Variants in FRMD6 observed in about 807,000 individuals in gnomAD.
FRMD6 encodes FERM domain-containing protein 6.
FRMD6 carries 37 observed loss-of-function variants against 73.2 expected under a neutral mutation model. The ratio of observed to expected loss-of-function variants is 0.51; its 90% confidence interval spans 0.39 to 0.66. The LOEUF is 0.66. FRMD6 is among the 30% of genes least tolerant of loss of function. The pLI is 0.00. For missense variants in FRMD6, 714 were observed against 780.5 expected, an observed-to-expected ratio of 0.91 and a Z score of 1.02; for synonymous variants, 273 against 282.2, an observed-to-expected ratio of 0.97 and a Z score of 0.33.
chr14:51,474,402 A>G, the FRMD6 span, among the ~76,000 whole-genome samples: 73 of 152,182 alleles, frequency 4.8e-4, no homozygotes, highest in Admixed American at 1.1e-3. Context: ...GGAATTTACA[A>G]TGGCAGTTTG....
In FRMD6 at chr14:51,698,159, C is replaced by T. The variant is rs1455772266; in HGVS notation, c.117C>T (p.His39=). Reference sequence around the variant, plus strand: ...CCCTACAGGTTAAGATTCTGTGTCACCAGTTGCTGGTCCAGGTTTGTGACC... The same window carrying T: ...CCCTACAGGTTAAGATTCTGTGTCATCAGTTGCTGGTCCAGGTTTGTGACC... The part of the protein sequence containing the change: ...NIIINVKILC[H]QLLVQVCDLL... Residue 39 remains histidine, a synonymous_variant, in exon 3 of 14, where the codon CAC becomes CAT. Coordinates refer to ENST00000344768, the MANE Select transcript of FRMD6 (RefSeq NM_001267046.2). The T allele has an allele frequency of 1.9e-6, 3 of 1,612,040 alleles. No homozygotes were observed. Among genetic ancestry groups the T allele is most frequent in the Non-Finnish European group, 8.5e-7 (1 of 1,178,582 alleles).
At chr14:51,604,799 C>G (rs180853656) in intron 2 of FRMD6, among the ~76,000 whole-genome samples, 4 of 152,276 alleles carry the variant, frequency 2.6e-5, no homozygotes, top group African/African-American at 9.6e-5. Context: ...CCTTTATACT[C>G]TTCCAGGCCC....
intron 2 of FRMD6, among the ~76,000 whole-genome samples, chr14:51,631,198 T>G (rs1891323085): frequency 6.6e-6 from 1 of 152,220 alleles, no homozygotes; most frequent in Admixed American, 6.5e-5. Flanking sequence ...GACGAATCTT[T>G]ACTGATGTCA....
chr14:51,704,989 C>G (rs1013699347), intron 6 of FRMD6, 54 bp downstream of exon 6: 1 of 1,488,000 alleles, frequency 6.7e-7, no homozygotes. Context: ...ATTTCTAGTT[C>G]GTAGTGTTGC....
intron 1 of FRMD6, among the ~76,000 whole-genome samples, chr14:51,512,589 C>T (rs1482819378): frequency 1.3e-5 from 2 of 152,056 alleles, no homozygotes; most frequent in Non-Finnish European, 2.9e-5. Context: ...CAACCTCCTT[C>T]TGATAGCTGA....
chr14:51,587,073 A>T (rs1237125372), intron 2 of FRMD6, among the ~76,000 whole-genome samples: 1 of 152,062 alleles, frequency 6.6e-6, no homozygotes, highest in Non-Finnish European at 1.5e-5. Flanking sequence ...ATCTTTTTCT[A>T]TGGTGAGAGG....
chr14:51,564,984 C>A (rs1887696096), intron 1 of FRMD6, among the ~76,000 whole-genome samples: 1 of 152,178 alleles, frequency 6.6e-6, no homozygotes, highest in African/African-American at 2.4e-5. Flanking sequence ...GGTCTGTTGT[C>A]CAGCTTGCAT....
chr14:51,659,078 G>A (rs1893034043), intron 1 of FRMD6, among the ~76,000 whole-genome samples: 1 of 152,110 alleles, frequency 6.6e-6, no homozygotes. Context: ...GCATAGAAGA[G>A]GGATAGTAAA....
At chr14:51,409,228 G>A in the FRMD6 span, among the ~76,000 whole-genome samples, 4 of 151,874 alleles carry the variant, frequency 2.6e-5, no homozygotes, top group East Asian at 5.8e-4. Context: ...AATCCTTCGC[G>A]ATAGGAAAAC....
rs1886249952 is a variant in FRMD6 at position 51,542,420 on chromosome 14, A to G, written c.-209-27928A>G. On this transcript the variant is annotated intron_variant, in intron 1 of 14. Coordinates refer to the FRMD6 transcript ENST00000356218. Reference sequence around the variant, plus strand: ...GTGTCTGGCTTCTTTCACTTATCATAATGTTTTCAAGATTCATCCATTTGT... The same window carrying G: ...GTGTCTGGCTTCTTTCACTTATCATGATGTTTTCAAGATTCATCCATTTGT... 2.0e-5 allele frequency among the ~76,000 whole-genome samples: 3 copies of G among 152,046 alleles called. No individual in the cohort carries two copies. In the South Asian group the frequency reaches 6.2e-4, roughly 32 times the overall value.
intron 2 of FRMD6, among the ~76,000 whole-genome samples, chr14:51,644,728 AATATG>A (rs1891987968): frequency 6.6e-6 from 1 of 152,244 alleles, no homozygotes; most frequent in Admixed American, 6.5e-5. Flanking sequence ...AAAATGATCC[AATATG>A]GACTATTTGC....
chr14:51,718,665 TGTG>T (rs1341724058), intron 10 of FRMD6, among the ~76,000 whole-genome samples: 1 of 152,214 alleles, frequency 6.6e-6, no homozygotes, highest in Non-Finnish European at 1.5e-5. Flanking sequence ...GCATTTTTGT[TGTG>T]ATGATATGTG....
chr14:51,437,605 A>G, the FRMD6 span, among the ~76,000 whole-genome samples: 6 of 152,176 alleles, frequency 3.9e-5, no homozygotes, highest in Admixed American at 6.5e-5. Context: ...CCCGGCCCCA[A>G]CTTTCTTTTT....
chr14:51,644,415 C>T (rs957297039), intron 2 of FRMD6, among the ~76,000 whole-genome samples: 42 of 130,228 alleles, frequency 3.2e-4, no homozygotes, highest in African/African-American at 9.6e-4. Context: ...TCTCTCTCTC[C>T]CTCCCTGATC....
At chr14:51,509,902 A>G (rs1408751820) in intron 1 of FRMD6, among the ~76,000 whole-genome samples, 1 of 152,180 alleles carries the variant, frequency 6.6e-6, no homozygotes, top group Non-Finnish European at 1.5e-5. Context: ...CTGGGATTTC[A>G]GGCATTAGCC....
At chr14:51,602,742 A>G (rs1031390501) in intron 2 of FRMD6, among the ~76,000 whole-genome samples, 4 of 152,206 alleles carry the variant, frequency 2.6e-5, no homozygotes, top group African/African-American at 9.6e-5. Context: ...TTTCACTTTC[A>G]TGCATTTGGG....
chr14:51,723,553 G>T (rs1897751020), intron 12 of FRMD6, among the ~76,000 whole-genome samples: 1 of 151,394 alleles, frequency 6.6e-6, no homozygotes, highest in South Asian at 2.1e-4. Context: ...GGCCAAGGTG[G>T]GTGGATCACC....
chr14:51,632,749 T>C (rs114413969), intron 2 of FRMD6, among the ~76,000 whole-genome samples: 44 of 152,308 alleles, frequency 2.9e-4, no homozygotes, highest in African/African-American at 1.0e-3. Flanking sequence ...TGAATTGTCT[T>C]AGAGAAGCCT....
chr14:51,512,489 CA>C (rs1226223672), intron 1 of FRMD6, among the ~76,000 whole-genome samples: 9 of 152,190 alleles, frequency 5.9e-5, no homozygotes, highest in Admixed American at 2.6e-4. Context: ...TCCCCAGGGA[CA>C]ACGTCTTGTC....
Sources: allele counts gnomAD v4.1 joint callset (sites outside exome capture counted in the v4.1 genomes callset), GRCh38; gene constraint gnomAD v4.1.1; transcripts MANE v1.5; gene names NCBI Gene and HGNC (gene_info 2026-07-23, HGNC 2026-07-21).